Variants in SPTBN1 observed in about 807,000 individuals in gnomAD.
The protein encoded by SPTBN1 is spectrin beta, non-erythrocytic 1.
In SPTBN1, 32 loss-of-function variants were observed where a neutral mutation model predicts 266.4. That is an observed-to-expected ratio of 0.12 (90% CI 0.09 to 0.16). SPTBN1 has a LOEUF of 0.16. Ranked by LOEUF, SPTBN1 falls within the 10% of genes least tolerant of loss-of-function variation. The pLI is 1.00. For synonymous variants in SPTBN1, 1,336 were observed against 1,162.2 expected, an observed-to-expected ratio of 1.15 and a Z score of -3.04; for missense variants, 2,296 against 3,067.1, an observed-to-expected ratio of 0.75 and a Z score of 5.94.
chr2:54,478,315 C>T (rs1667940919), intron 1 of SPTBN1, among the ~76,000 whole-genome samples: 1 of 152,052 alleles, frequency 6.6e-6, no homozygotes, highest in African/African-American at 2.4e-5. Context: ...GTAAGTCTGC[C>T]TTTGAGAGAG....
rs373125855 is a variant in SPTBN1 at position 54,574,874 on chromosome 2, GT to G, written c.149-24217del. Among the ~76,000 whole-genome samples the G allele has an allele frequency of 1.6e-4, 24 of 152,302 alleles. No individual in the cohort carries two copies. The East Asian group carries it at 4.4e-3, about 28-fold the overall frequency. On this transcript the variant is annotated intron_variant, in intron 2 of 35. Coordinates refer to ENST00000356805, the MANE Select transcript of SPTBN1 (RefSeq NM_003128.3). ...CCAGCATGAACCAGGCATAAACCAGGTACCTTCATGAACATATTATTTATCC... is the reference window on the plus strand; with the variant it reads ...CCAGCATGAACCAGGCATAAACCAGGACCTTCATGAACATATTATTTATCC...
Position 54,646,602 on chromosome 2 carries a change from C to A in SPTBN1, c.4866+127C>A. The A allele has an allele frequency of 8.9e-7, 1 of 1,120,870 alleles. No homozygotes were observed. Among genetic ancestry groups the A allele is most frequent in the Non-Finnish European group, 1.2e-6 (1 of 839,304 alleles). 69.4% of individuals were successfully genotyped at this position (1,120,870 alleles called of 1,614,324 possible). On this transcript the variant is annotated intron_variant, in intron 23 of 35. Coordinates refer to ENST00000356805, the MANE Select transcript of SPTBN1 (RefSeq NM_003128.3). The surrounding 1 kb of genome is among the most constrained non-coding windows in gnomAD (Gnocchi z 4.4). ...TAGCCTTTGAGTGTTAAGGGGACAC[C>A]ATGTGCATGAAGGTGTCTGAAATCC...
intron 1 of SPTBN1, among the ~76,000 whole-genome samples, chr2:54,472,719 C>T (rs964761050): frequency 2.0e-5 from 3 of 151,944 alleles, no homozygotes; most frequent in Non-Finnish European, 2.9e-5. Flanking sequence ...GCTGGGGCTG[C>T]CTGTGGGACT....
At position 54,550,432 on chromosome 2, in the gene SPTBN1, C is replaced by T. The variant is rs185919406; in HGVS notation, c.148+23866C>T. On this transcript the variant is annotated intron_variant, in intron 2 of 35. Coordinates refer to ENST00000356805, the MANE Select transcript of SPTBN1 (RefSeq NM_003128.3). ...ACACACCAGGGCTGCACATGTTGTTCCATATCTCTGCAACTGGGTAATCGG... is the reference window on the plus strand; with the variant it reads ...ACACACCAGGGCTGCACATGTTGTTTCATATCTCTGCAACTGGGTAATCGG... Among the ~76,000 whole-genome samples, 1,324 of 152,260 alleles carry T rather than the reference C, an allele frequency of 8.7e-3. 14 individuals carry two copies. Among genetic ancestry groups the T allele is most frequent in the Non-Finnish European group, 9.6e-3 (650 of 68,018 alleles).
At chr2:54,543,610 A>T (rs1261709128) in intron 2 of SPTBN1, among the ~76,000 whole-genome samples, 1 of 152,168 alleles carries the variant, frequency 6.6e-6, no homozygotes, top group South Asian at 2.1e-4. Context: ...TTTAATTAAA[A>T]AAATTAATAT....
chr2:54,660,068 G>T (rs756795548), intron 32 of SPTBN1, 69 bp downstream of exon 32: 4 of 1,614,228 alleles, frequency 2.5e-6, no homozygotes, highest in African/African-American at 2.7e-5. Context: ...CCAGTGACCA[G>T]CCATGGTCTG....
Position 54,629,252 on chromosome 2 carries a change from G to A in SPTBN1, c.2118G>A (p.Ala706=), listed in dbSNP as rs374502234. The change falls in exon 14 of 36, where the codon GCG becomes GCA. Residue 706 remains alanine (A), a synonymous_variant. Transcript: ENST00000356805. The stretch of plus-strand genomic sequence containing the variant: ...TCAAGGAAGGCGAAGACATGATCGC[G>A]GAGGAGCACTTCGGGTCGGAGAAGA... ...QAIKEGEDMI[A]EEHFGSEKIR... The A allele has an allele frequency of 2.8e-5, 45 of 1,613,896 alleles. No individual in the cohort carries two copies. Among genetic ancestry groups the A allele is most frequent in the Middle Eastern group, 1.6e-4 (1 of 6,084 alleles).
Position 54,629,879 on chromosome 2 carries a change from A to T in SPTBN1, c.2670-13A>T. On this transcript the variant is annotated splice_polypyrimidine_tract_variant and intron_variant, in intron 14 of 35. Transcript: ENST00000356805. ...GCCCAGGAGGTGACCACCCTGTCAA[A>T]TTGCCATTTCAGATTTGAGAGCCTA... 6.2e-7 allele frequency: 1 copy of T among 1,613,974 alleles called. No individual in the cohort carries two copies. Among genetic ancestry groups the T allele is most frequent in the Non-Finnish European group, 8.5e-7 (1 of 1,180,000 alleles).
chr2:54,602,550 T>TA (rs1558417247), intron 3 of SPTBN1, among the ~76,000 whole-genome samples: 1 of 152,228 alleles, frequency 6.6e-6, no homozygotes, highest in African/African-American at 2.4e-5. Flanking sequence ...CTGGCCAGAC[T>TA]AAGCCCTCGC....
At position 54,659,217 on chromosome 2, in the gene SPTBN1, C is replaced by T. The variant is rs1680874754; in HGVS notation, c.6307C>T (p.Pro2103Ser). ...GGAGAGGAAGAGGCGGCCGCCTTCT[C>T]CCGAGCCGAGCACGAAGGTTTCAGA... The part of the protein sequence containing the change: ...EEERKRRPPS[P>S]EPSTKVSEEA... The change falls in exon 31 of 36, where the codon CCC becomes TCC. Residue 2103 changes from proline to serine, a missense_variant. Transcript: ENST00000356805. 3.1e-6 allele frequency: 5 copies of T among 1,614,080 alleles called. No homozygotes were observed. Among genetic ancestry groups the T allele is most frequent in the African/African-American group, 2.7e-5 (2 of 75,022 alleles).
rs747730085 is a variant in SPTBN1 at position 54,644,407 on chromosome 2, G to T, written c.4090G>T (p.Val1364Phe). The change falls in exon 20 of 36, where the codon GTC becomes TTC. Residue 1364 changes from valine to phenylalanine, a missense_variant. Val to Phe is a conservative substitution (Grantham distance 50). This residue lies in a region of SPTBN1 where 386 missense variants were observed against 486.1 expected (regional missense o/e 0.79). Transcript: ENST00000356805. ...CACTGGTTTACATAAAATGTGGGAA[G>T]TCCTTGAATCCACTACCCAGACAAA... Reference protein sequence around the residue: ...KLTGLHKMWEVLESTTQTKAQ... With the variant: ...KLTGLHKMWEFLESTTQTKAQ... The T allele has an allele frequency of 3.7e-6, 6 of 1,614,128 alleles. No individual in the cohort carries two copies. The highest frequency in any genetic ancestry group is 1.3e-5 in the African/African-American group (1 of 74,940).
intron 2 of SPTBN1, among the ~76,000 whole-genome samples, chr2:54,530,894 G>T (rs961846313): frequency 3.3e-5 from 5 of 152,116 alleles, no homozygotes; most frequent in African/African-American, 7.2e-5. Context: ...TTTGGGTGGG[G>T]ATAGTCTCCC....
chr2:54,528,540 C>T (rs746720402), intron 2 of SPTBN1: 7 of 152,150 alleles, frequency 4.6e-5, no homozygotes, highest in Non-Finnish European at 1.0e-4. Flanking sequence ...CAGTTAATCC[C>T]ATAACAATCA....
rs75309683 is a variant in SPTBN1 at position 54,658,294 on chromosome 2, G to A, written c.6243+248G>A. On this transcript the variant is annotated intron_variant, in intron 30 of 35. Transcript: ENST00000356805. Reference sequence around the variant, plus strand: ...ATCCCTTATAGTAGCTTCCTGCCTGGGGGTTGATTGGTGGTGTTTGCTTTT... The same window carrying A: ...ATCCCTTATAGTAGCTTCCTGCCTGAGGGTTGATTGGTGGTGTTTGCTTTT... Among the ~76,000 whole-genome samples the A allele has an allele frequency of 3.1e-3, 467 of 152,188 alleles. 2 individuals are homozygous for A. The highest frequency in any genetic ancestry group is 0.011 in the African/African-American group (454 of 41,514).
intron 3 of SPTBN1, among the ~76,000 whole-genome samples, chr2:54,600,031 A>T (rs1477238435): frequency 6.6e-6 from 1 of 152,182 alleles, no homozygotes; most frequent in Non-Finnish European, 1.5e-5. Flanking sequence ...CAACGCCCAG[A>T]ATGGAGACCA....
intron 2 of SPTBN1, among the ~76,000 whole-genome samples, chr2:54,551,641 A>G (rs888054204): frequency 1.3e-5 from 2 of 152,192 alleles, no homozygotes; most frequent in African/African-American, 4.8e-5. Context: ...TAGGCAAGAA[A>G]CAGGAAAAGG....
chr2:54,628,795 A>G lies in SPTBN1; in HGVS notation c.1799-138A>G. ...TTGTTAGAAGGTGCTCCATTGCCTT[A>G]TCGCATGGCCCTGCATTTACATTTA... On this transcript the variant is annotated intron_variant, in intron 13 of 35. Transcript: ENST00000356805. The surrounding 1 kb of genome is among the most constrained non-coding windows in gnomAD (Gnocchi z 4.3). The G allele has an allele frequency of 1.7e-6, 2 of 1,145,044 alleles. No individual in the cohort carries two copies. Among genetic ancestry groups the G allele is most frequent in the Non-Finnish European group, 2.4e-6 (2 of 830,008 alleles). 70.9% of individuals were successfully genotyped at this position (1,145,044 alleles called of 1,614,324 possible).
chr2:54,593,512 T>A (rs1675825543), intron 2 of SPTBN1, among the ~76,000 whole-genome samples: 2 of 152,190 alleles, frequency 1.3e-5, no homozygotes, highest in African/African-American at 2.4e-5. Flanking sequence ...CCAGGCTGCC[T>A]AGAGGTGGGG....
At chr2:54,481,739 G>T (rs1470707611) in intron 1 of SPTBN1, among the ~76,000 whole-genome samples, 1 of 152,254 alleles carries the variant, frequency 6.6e-6, no homozygotes, top group South Asian at 2.1e-4. Flanking sequence ...TTACTGTTAG[G>T]CGCAGAGAGT....
Sources: gnomAD v4.1 joint callset for allele counts (sites outside exome capture counted in the v4.1 genomes callset) on GRCh38, gnomAD v4.1.1 for gene constraint, gnomAD v4.1.1 regional missense constraint, Gnocchi (gnomAD v3.1) non-coding constraint, MANE v1.5 for transcripts, NCBI Gene and HGNC (gene_info 2026-07-23, HGNC 2026-07-21) for gene names.